The following TMEFF2 variants were observed in gnomAD, a reference collection of about 807,000 sequenced individuals.
TMEFF2 encodes transmembrane protein with EGF like and two follistatin like domains 2, also known as tomoregulin-2.
Under a neutral mutation model 53.8 loss-of-function variants are expected in TMEFF2, and 28 were observed. That is an observed-to-expected ratio of 0.52 (90% CI 0.39 to 0.71). TMEFF2 has a LOEUF of 0.71. Ranked by LOEUF, TMEFF2 falls within the 30% of genes least tolerant of loss-of-function variation. TMEFF2 has a pLI of 0.00. For synonymous variants in TMEFF2, 162 were observed against 166.3 expected, an observed-to-expected ratio of 0.97 and a Z score of 0.20; for missense variants, 353 against 455.2, an observed-to-expected ratio of 0.78 and a Z score of 2.04.
At position 192,157,712 on chromosome 2, in the gene TMEFF2, C is replaced by T. The variant is rs76508761; in HGVS notation, c.439+21956G>A. 2.5e-3 allele frequency among the ~76,000 whole-genome samples: 385 copies of T among 152,018 alleles called. 1 individual carries two copies. Among genetic ancestry groups the T allele is most frequent in the African/African-American group, 8.7e-3 (359 of 41,474 alleles). On this transcript the variant is annotated intron_variant, in intron 4 of 9. Coordinates refer to ENST00000272771, the MANE Select transcript of TMEFF2 (RefSeq NM_016192.4). ...TTAATAAAAGTATACCTGAAAAGCC[C>T]ACTATAACTTTATTCCAGGCTATGG...
intron 4 of TMEFF2, among the ~76,000 whole-genome samples, chr2:192,077,767 T>G (rs556989731): frequency 1.3e-5 from 2 of 152,066 alleles, no homozygotes; most frequent in East Asian, 3.9e-4. Context: ...TGTGTTCATA[T>G]ATACTTGTAC....
chr2:192,028,315 A>C lies in TMEFF2; in HGVS notation c.537-29107T>G, dbSNP rs184038357. ...GGTATGTCTTTATCAGCAGTGTGAA[A>C]ACAGACTAATACAAGTGCATTACTT... On this transcript the variant is annotated intron_variant, in intron 5 of 9. Coordinates refer to ENST00000272771, the MANE Select transcript of TMEFF2 (RefSeq NM_016192.4). Among the ~76,000 whole-genome samples the C allele has an allele frequency of 8.5e-4, 130 of 152,308 alleles. 1 individual carries two copies. Among genetic ancestry groups the C allele is most frequent in the African/African-American group, 3.1e-3 (129 of 41,558 alleles).
rs373805314 is a variant in TMEFF2 at position 192,192,639 on chromosome 2, G to T, written c.173-650C>A. ...CAGTTTATTCTCTTTAGTTTATGCA[G>T]TCCCCTTTAAAATATCTGGTAAATA... is the stretch of plus-strand genomic sequence containing the variant. On this transcript the variant is annotated intron_variant, in intron 1 of 9. Coordinates refer to ENST00000272771, the MANE Select transcript of TMEFF2 (RefSeq NM_016192.4). Among the ~76,000 whole-genome samples the T allele has an allele frequency of 2.7e-4, 41 of 152,272 alleles. No homozygotes were observed. In the South Asian group the frequency reaches 7.9e-3, roughly 29 times the overall value.
At chr2:192,054,111 AG>A (rs1315138538) in intron 5 of TMEFF2, among the ~76,000 whole-genome samples, 6 of 151,746 alleles carry the variant, frequency 4.0e-5, no homozygotes, top group African/African-American at 1.5e-4. Flanking sequence ...GTGGCCACTT[AG>A]CCCCCATCTG....
intron 5 of TMEFF2, among the ~76,000 whole-genome samples, chr2:192,042,366 T>G (rs766716515): frequency 6.6e-6 from 1 of 152,218 alleles, no homozygotes; most frequent in East Asian, 1.9e-4. Context: ...CACACACTTT[T>G]AATTTATGAA....
chr2:191,966,783 A>G (rs545970892), intron 7 of TMEFF2, among the ~76,000 whole-genome samples: 5 of 152,336 alleles, frequency 3.3e-5, no homozygotes, highest in South Asian at 2.1e-4. Context: ...AATAGATGCT[A>G]AACACCACAA....
chr2:192,086,000 C>T (rs1411852431), intron 4 of TMEFF2, among the ~76,000 whole-genome samples: 1 of 152,028 alleles, frequency 6.6e-6, no homozygotes, highest in Non-Finnish European at 1.5e-5. Context: ...GTGTCAATTC[C>T]CTCATTAGGA....
rs1691807662 is a variant in TMEFF2 at position 191,949,609 on chromosome 2, G to GGATT, written c.*698_*701dup. 1.0e-6 allele frequency: 1 copy of GGATT among 985,034 alleles called. No homozygotes were observed. Among genetic ancestry groups the GGATT allele is most frequent in the Non-Finnish European group, 1.2e-6 (1 of 829,874 alleles). 61.0% of individuals were successfully genotyped at this position (985,034 alleles called of 1,614,324 possible). A position where few individuals can be genotyped will look rare whatever the true frequency, so the allele number is the denominator to read the frequency against. On this transcript the variant is annotated 3_prime_UTR_variant, in exon 10 of 10. Transcript: ENST00000272771. ...GTTCAGATATATGCACTTAACTGGGGGATTCTAAGCTACTTCCCCAATAAA... is the reference window on the plus strand; with the variant it reads ...GTTCAGATATATGCACTTAACTGGGGGATTGATTCTAAGCTACTTCCCCAATAAA...
chr2:192,065,676 G>A (rs1317864715), intron 4 of TMEFF2, among the ~76,000 whole-genome samples: 2 of 151,546 alleles, frequency 1.3e-5, no homozygotes, highest in African/African-American at 4.8e-5. Flanking sequence ...AATAAATGAT[G>A]AGTGATAGCA....
At chr2:192,002,499 G>C (rs1383756517) in intron 5 of TMEFF2, among the ~76,000 whole-genome samples, 1 of 150,148 alleles carries the variant, frequency 6.7e-6, no homozygotes, top group Non-Finnish European at 1.5e-5. Context: ...TTGTGAATAA[G>C]TGGAAGAAAC....
At chr2:192,054,721 T>G (rs143675449) in intron 5 of TMEFF2, among the ~76,000 whole-genome samples, 6 of 152,296 alleles carry the variant, frequency 3.9e-5, no homozygotes, top group Admixed American at 3.9e-4. Context: ...AGCAAAGACA[T>G]ATTGTTTCAA....
intron 5 of TMEFF2, among the ~76,000 whole-genome samples, chr2:192,022,163 TG>T (rs1350249367): frequency 2.6e-5 from 4 of 152,154 alleles, no homozygotes; most frequent in Non-Finnish European, 5.9e-5. Flanking sequence ...AAGTTGTTGG[TG>T]TGGGGCAGCA....
At chr2:192,121,786 C>G (rs1407321998) in intron 4 of TMEFF2, among the ~76,000 whole-genome samples, 1 of 152,100 alleles carries the variant, frequency 6.6e-6, no homozygotes. Flanking sequence ...CAAAGATAAA[C>G]TCATAGCTCA....
chr2:192,037,269 A>AAAAGAAAGAAAG (rs1440087652), intron 5 of TMEFF2: 1,208 of 72,510 alleles, frequency 0.017, 70 homozygotes, highest in East Asian at 0.065. Flanking sequence ...AAGACTAGCC[A>AAAAGAAAGAAAG]AAATAAAGAA....
At chr2:191,950,861 A>G (rs1438650692) in intron 9 of TMEFF2, among the ~76,000 whole-genome samples, 2 of 152,202 alleles carry the variant, frequency 1.3e-5, no homozygotes, top group Non-Finnish European at 2.9e-5. Flanking sequence ...CTGATATGTA[A>G]TGGAAAGGAA....
At chr2:191,990,787 TGTG>T (rs1325986283) in intron 7 of TMEFF2, among the ~76,000 whole-genome samples, 1 of 151,946 alleles carries the variant, frequency 6.6e-6, no homozygotes, top group East Asian at 1.9e-4. Flanking sequence ...TGTGTGTGTG[TGTG>T]AATTATTGAC....
chr2:191,959,064 A>G (rs1692190544), intron 7 of TMEFF2, among the ~76,000 whole-genome samples: 1 of 152,226 alleles, frequency 6.6e-6, no homozygotes, highest in Admixed American at 6.5e-5. Context: ...GTATTAAGCA[A>G]TAACAAAGCA....
At chr2:192,043,357 C>G (rs2105887978) in intron 5 of TMEFF2, among the ~76,000 whole-genome samples, 1 of 152,206 alleles carries the variant, frequency 6.6e-6, no homozygotes, top group Admixed American at 6.5e-5. Context: ...GGTCAGGTCC[C>G]CTTGAGAAAG....
chr2:192,051,637 G>A (rs922317660), intron 5 of TMEFF2, among the ~76,000 whole-genome samples: 2 of 152,132 alleles, frequency 1.3e-5, no homozygotes, highest in Non-Finnish European at 2.9e-5. Flanking sequence ...TTATACCTAT[G>A]ATGAAATCTA....
Sources: allele counts gnomAD v4.1 joint callset (sites outside exome capture counted in the v4.1 genomes callset), GRCh38; gene constraint gnomAD v4.1.1; transcripts MANE v1.5; gene names NCBI Gene and HGNC (gene_info 2026-07-23, HGNC 2026-07-21).